JCAD: variants seen among roughly 807,000 people sequenced by gnomAD.
JCAD encodes the protein junctional cadherin 5 associated.
JCAD carries 40 observed loss-of-function variants against 98.0 expected under a neutral mutation model. That is an observed-to-expected ratio of 0.41 (90% confidence interval 0.32 to 0.53). JCAD has a LOEUF of 0.53. Ranked by LOEUF, JCAD falls within the 20% of genes least tolerant of loss-of-function variation. The pLI, the probability that JCAD is intolerant of heterozygous loss-of-function variation, is 0.31. For missense variants in JCAD, 1,705 were observed against 1,738.1 expected, an observed-to-expected ratio of 0.98 and a Z score of 0.34; for synonymous variants, 691 against 682.3, an observed-to-expected ratio of 1.01 and a Z score of -0.20.
intron 2 of JCAD, among the ~76,000 whole-genome samples, chr10:30,043,647 G>T (rs1837283061): frequency 6.6e-6 from 1 of 152,210 alleles, no homozygotes; most frequent in Non-Finnish European, 1.5e-5. Context: ...TGCATGCCAG[G>T]GGGAGGGTGG....
intron 2 of JCAD, among the ~76,000 whole-genome samples, chr10:30,068,012 C>A (rs1470040828): frequency 6.6e-6 from 1 of 152,208 alleles, no homozygotes; most frequent in Non-Finnish European, 1.5e-5. Context: ...GTATTATAAT[C>A]TTATGAGACC....
At chr10:30,063,393 G>T (rs746319161), upstream of JCAD, among the ~76,000 whole-genome samples, 1 of 151,868 alleles carries the variant, frequency 6.6e-6, no homozygotes, top group Non-Finnish European at 1.5e-5. Context: ...ATGTTTAACC[G>T]CCTGCTTAAA....
At chr10:30,035,165 A>C (rs1051557477) in intron 2 of JCAD, among the ~76,000 whole-genome samples, 1 of 152,234 alleles carries the variant, frequency 6.6e-6, no homozygotes, top group Admixed American at 6.5e-5. Context: ...AAAATGACAG[A>C]AATAGGACAA....
chr10:30,019,697 G>A (rs1589674111), intron 3 of JCAD, among the ~76,000 whole-genome samples: 1 of 152,084 alleles, frequency 6.6e-6, no homozygotes, highest in East Asian at 1.9e-4. Context: ...TGAGTGCATA[G>A]GATGGTGACT....
intron 1 of JCAD, among the ~76,000 whole-genome samples, chr10:30,093,073 G>GA (rs879740419): frequency 1.3e-5 from 2 of 151,910 alleles, no homozygotes; most frequent in Non-Finnish European, 2.9e-5. Context: ...TAAACAATTG[G>GA]AAAAAAAGAA....
chr10:30,114,578 T>TAAA (rs11360136), intron 1 of JCAD, among the ~76,000 whole-genome samples: 1 of 124,682 alleles, frequency 8.0e-6, no homozygotes, highest in Non-Finnish European at 1.6e-5. Context: ...ACAGCACAAT[T>TAAA]AAAAAAAAAA....
At position 30,028,941 on chromosome 10, in the gene JCAD, A is replaced by G. The variant is rs1836917056; in HGVS notation, c.1207T>C (p.Leu403=). The part of the protein sequence containing the change: ...TGNEYGVSPR[L]PQGLPAHPRP... ...GGATGTGCGGGGAGCCCCTGAGGCA[A>G]GCGGGGGCTCACACCATACTCATTC... The change falls in exon 3 of 4, where the codon TTG becomes CTG. Residue 403 remains leucine, a synonymous_variant. Coordinates refer to ENST00000375377, the MANE Select transcript of JCAD (RefSeq NM_020848.4). The G allele has an allele frequency of 1.2e-6, 2 of 1,613,912 alleles. No homozygotes were observed. Among genetic ancestry groups the G allele is most frequent in the African/African-American group, 1.3e-5 (1 of 74,894 alleles).
At chr10:30,031,777 C>T (rs552456898) in intron 2 of JCAD, among the ~76,000 whole-genome samples, 758 of 74,216 alleles carry the variant, frequency 0.01, 14 homozygotes, top group African/African-American at 0.042. Flanking sequence ...TTTTTTGAGA[C>T]GGAGTCTTGC....
intron 1 of JCAD, among the ~76,000 whole-genome samples, chr10:30,100,501 C>A (rs1359102531): frequency 6.6e-6 from 1 of 152,098 alleles, no homozygotes. Context: ...CCTGCCTCAG[C>A]CTCCCAAGTA....
intron 2 of JCAD, among the ~76,000 whole-genome samples, chr10:30,032,888 C>G (rs1468929730): frequency 6.6e-6 from 1 of 152,244 alleles, no homozygotes; most frequent in Non-Finnish European, 1.5e-5. Context: ...ATTTAAGCTT[C>G]ACCAACATCC....
At position 30,027,992 on chromosome 10, in the gene JCAD, C is replaced by T; in HGVS notation, c.2156G>A (p.Ser719Asn). Residue 719 changes from serine (S) to asparagine (N), a missense_variant, in exon 3 of 4, where the codon AGT becomes AAT. Around this residue, in one of 3 missense-constraint regions of JCAD, gnomAD observed 1,278 missense variants for 1,243.1 expected, o/e 1.03. Coordinates refer to ENST00000375377, the MANE Select transcript of JCAD (RefSeq NM_020848.4). ...KLGGPSRAAL[S>N]PKCSDPAASE... is the part of the protein sequence containing the mutation. ...GGCAGCAGGGTCTGAACATTTTGGA[C>T]TCAATGCTGCACGACTCGGCCCTCC... is the stretch of plus-strand genomic sequence containing the variant. The T allele has an allele frequency of 1.2e-6, 2 of 1,614,240 alleles. No individual in the cohort carries two copies. Among genetic ancestry groups the T allele is most frequent in the Non-Finnish European group, 1.7e-6 (2 of 1,180,050 alleles).
intron 1 of JCAD, among the ~76,000 whole-genome samples, chr10:30,102,723 T>G (rs1265835068): frequency 6.6e-6 from 1 of 152,232 alleles, no homozygotes; most frequent in Non-Finnish European, 1.5e-5. Flanking sequence ...ATTGTATTAG[T>G]TTGTTCTCAC....
intron 2 of JCAD, among the ~76,000 whole-genome samples, chr10:30,040,276 A>G (rs1161984375): frequency 6.6e-6 from 1 of 152,238 alleles, no homozygotes; most frequent in African/African-American, 2.4e-5. Flanking sequence ...CACAATACGG[A>G]TGCAGAACAA....
At chr10:30,045,242 C>T (rs1837311538) in intron 2 of JCAD, among the ~76,000 whole-genome samples, 1 of 152,018 alleles carries the variant, frequency 6.6e-6, no homozygotes, top group South Asian at 2.1e-4. Context: ...GGGGATTCTC[C>T]TGCCTCCCAC....
At chr10:30,097,298 C>A (rs538255793) in intron 1 of JCAD, among the ~76,000 whole-genome samples, 1 of 152,210 alleles carries the variant, frequency 6.6e-6, no homozygotes, top group Non-Finnish European at 1.5e-5. Flanking sequence ...CTGGTGCTTA[C>A]TCTAAGCCCC....
chr10:30,095,001 T>C (rs1210299306), intron 1 of JCAD, among the ~76,000 whole-genome samples: 1 of 152,172 alleles, frequency 6.6e-6, no homozygotes, highest in Non-Finnish European at 1.5e-5. Flanking sequence ...GACCCAGTGA[T>C]TCAGATTTCA....
chr10:30,054,391 A>AT (rs1470603638), intron 1 of JCAD, among the ~76,000 whole-genome samples: 1 of 151,828 alleles, frequency 6.6e-6, no homozygotes, highest in Non-Finnish European at 1.5e-5. Flanking sequence ...TGAAATTGTC[A>AT]TTTTGCAGGT....
chr10:30,031,747 T>G (rs926374158), intron 2 of JCAD, among the ~76,000 whole-genome samples: 11 of 129,834 alleles, frequency 8.5e-5, no homozygotes, highest in Non-Finnish European at 1.3e-4. Flanking sequence ...CAGCCCCATC[T>G]GTATTTTTTT....
At chr10:30,024,164 C>CAAACA (rs1214931501) in intron 3 of JCAD, among the ~76,000 whole-genome samples, 9 of 152,098 alleles carry the variant, frequency 5.9e-5, no homozygotes, top group African/African-American at 2.2e-4. Flanking sequence ...GACTCTGTCT[C>CAAACA]AAACAAAACA....
Sources: allele counts gnomAD v4.1 joint callset (sites outside exome capture counted in the v4.1 genomes callset), GRCh38; gene constraint gnomAD v4.1.1; regional missense constraint gnomAD v4.1.1; transcripts MANE v1.5; gene names NCBI Gene and HGNC (gene_info 2026-07-23, HGNC 2026-07-21).